SCN9A: variants seen among roughly 807,000 people sequenced by gnomAD.
The protein encoded by SCN9A is sodium voltage-gated channel alpha subunit 9.
A neutral mutation model predicts 187.0 loss-of-function variants in SCN9A; 131 were observed. That is an observed-to-expected ratio of 0.70 (90% CI 0.61 to 0.81). The LOEUF (loss-of-function observed/expected upper bound fraction) is 0.81. Ranked by LOEUF, SCN9A falls within the 30% of genes least tolerant of loss-of-function variation. The probability of loss-of-function intolerance (pLI) is 0.00; values close to 1 mark genes in which losing one functional copy is unlikely to be tolerated. For synonymous variants in SCN9A, 809 were observed against 808.6 expected (o/e 1.00, Z -0.01); for missense variants, 2,252 against 2,396.6 (o/e 0.94, Z 1.26).
At position 166,317,661 on chromosome 2, in the gene SCN9A, CA is replaced by C. The variant is rs528567800; in HGVS notation, c.-50-5856del. Reference sequence around the variant, plus strand: ...TATGGATCTATGTCTGTCCAAATATCATATCATGTATTTGTCTATCTAGCAT... The same window carrying C: ...TATGGATCTATGTCTGTCCAAATATCTATCATGTATTTGTCTATCTAGCAT... On this transcript the variant is annotated intron_variant, in intron 1 of 26. Coordinates refer to ENST00000642356, the MANE Select transcript of SCN9A (RefSeq NM_001365536.1). Among the ~76,000 whole-genome samples the C allele has an allele frequency of 4.3e-4, 66 of 152,234 alleles. 1 individual carries two copies. Among genetic ancestry groups the C allele is most frequent in the South Asian group, 2.7e-3 (13 of 4,816 alleles).
chr2:166,226,800 T>C lies in SCN9A; in HGVS notation c.4261-96A>G, dbSNP rs1045647022. 7.6e-6 allele frequency: 6 copies of C among 790,556 alleles called. No homozygotes were observed. In the African/African-American group the frequency reaches 1.1e-4, roughly 14 times the overall value. 49.0% of individuals were successfully genotyped at this position (790,556 alleles called of 1,614,324 possible). A position where few individuals can be genotyped will look rare whatever the true frequency, so the allele number is the denominator to read the frequency against. On this transcript the variant is annotated intron_variant, in intron 23 of 26. Coordinates refer to ENST00000642356, the MANE Select transcript of SCN9A (RefSeq NM_001365536.1). ...CCAGGTAATTCAAACAGTGCTATCCTAGGTAAACATAGGATTTAAGAAGCC... is the reference window on the plus strand; with the variant it reads ...CCAGGTAATTCAAACAGTGCTATCCCAGGTAAACATAGGATTTAAGAAGCC...
At chr2:166,235,144 G>C (rs12614583) in intron 20 of SCN9A, among the ~76,000 whole-genome samples, 20,375 of 151,914 alleles carry the variant, frequency 0.13, 1,727 homozygotes, top group East Asian at 0.34. Context: ...CCAGTCTCAG[G>C]TATTCAGTTA....
At chr2:166,222,293 A>G (rs1694621156) in intron 24 of SCN9A, among the ~76,000 whole-genome samples, 2 of 152,242 alleles carry the variant, frequency 1.3e-5, no homozygotes, top group Admixed American at 1.3e-4. Context: ...CATGTATATT[A>G]AAAGATGCTC....
At chr2:166,238,812 AG>A (rs148780404) in intron 19 of SCN9A, among the ~76,000 whole-genome samples, 4,203 of 152,258 alleles carry the variant, frequency 0.028, 450 homozygotes, top group Admixed American at 0.2. Flanking sequence ...TAGAACACAG[AG>A]GGTGCTTTTT....
At chr2:166,215,222 G>A (rs941169079) in intron 24 of SCN9A, among the ~76,000 whole-genome samples, 2 of 151,894 alleles carry the variant, frequency 1.3e-5, no homozygotes, top group African/African-American at 2.4e-5. Flanking sequence ...GAAATTATAC[G>A]GAAAAACAGA....
rs150707576 is a variant in SCN9A, at chr2:166,240,627, T to C, written c.3627+1875A>G. On this transcript the variant is annotated intron_variant, in intron 19 of 26. Coordinates refer to ENST00000642356, the MANE Select transcript of SCN9A (RefSeq NM_001365536.1). ...ATACATTGCATGGTAGACACTATCA[T>C]GATTTCTACTTGGATGACTCCAGGT... 8.5e-5 allele frequency among the ~76,000 whole-genome samples: 13 copies of C among 152,328 alleles called. No homozygotes were observed. The East Asian group carries it at 2.1e-3, about 25-fold the overall frequency.
At chr2:166,230,288 A>G (rs1206039255) in intron 21 of SCN9A, among the ~76,000 whole-genome samples, 1 of 152,182 alleles carries the variant, frequency 6.6e-6, no homozygotes, top group Non-Finnish European at 1.5e-5. Context: ...GAAATTATAT[A>G]ACAAACATTA....
chr2:166,306,876 G>C, intron 3 of SCN9A, 80 bp downstream of exon 3: 1 of 765,646 alleles, frequency 1.3e-6, no homozygotes, highest in South Asian at 1.8e-5. Context: ...GGTGCAAAAG[G>C]TATAACATCT....
At chr2:166,230,052 G>A (rs1384974860) in intron 21 of SCN9A, among the ~76,000 whole-genome samples, 1 of 152,142 alleles carries the variant, frequency 6.6e-6, no homozygotes, top group Non-Finnish European at 1.5e-5. Context: ...AGATCATCTA[G>A]GGAGAAGGTT....
chr2:166,371,071 T>C (rs1158389982), intron 1 of SCN9A, among the ~76,000 whole-genome samples: 1 of 152,192 alleles, frequency 6.6e-6, no homozygotes, highest in African/African-American at 2.4e-5. Flanking sequence ...GCAAGGAAAT[T>C]ACAGTTAAAG....
chr2:166,337,531 G>A (rs1699658942), intron 1 of SCN9A, among the ~76,000 whole-genome samples: 1 of 152,038 alleles, frequency 6.6e-6, no homozygotes, highest in Non-Finnish European at 1.5e-5. Flanking sequence ...AGAAAGACGT[G>A]TACATAAATG....
At chr2:166,270,782 T>G (rs1040161555) in intron 17 of SCN9A, among the ~76,000 whole-genome samples, 1 of 149,538 alleles carries the variant, frequency 6.7e-6, no homozygotes, top group East Asian at 2.0e-4. Flanking sequence ...TATATATATA[T>G]CAGTCATGAT....
rs1559050808 is a variant in SCN9A at position 166,340,540 on chromosome 2, C to CTTT, written c.-50-28735_-50-28734insAAA. ...CTTCCCTCTCTCCTTTCTTTTCTTTCCCTTTCTTTCTTTCTTTCTTTCTTT... is the reference window on the plus strand; with the variant it reads ...CTTCCCTCTCTCCTTTCTTTTCTTTCTTTCCTTTCTTTCTTTCTTTCTTTCTTT... On this transcript the variant is annotated intron_variant, in intron 1 of 26. Coordinates refer to ENST00000642356, the MANE Select transcript of SCN9A (RefSeq NM_001365536.1). 2.7e-4 allele frequency among the ~76,000 whole-genome samples: 30 copies of CTTT among 111,342 alleles called. 1 individual carries two copies. Among genetic ancestry groups the CTTT allele is most frequent in the African/African-American group, 9.0e-4 (25 of 27,806 alleles). 73.0% of individuals were successfully genotyped at this position (111,342 alleles called of 152,430 possible). A position where few individuals can be genotyped will look rare whatever the true frequency, so the allele number is the denominator to read the frequency against.
At chr2:166,242,377 T>A in intron 19 of SCN9A, 125 bp downstream of exon 19, 1 of 773,688 alleles carries the variant, frequency 1.3e-6, no homozygotes, top group Non-Finnish European at 1.9e-6. Context: ...TAAAATTTTG[T>A]CATTGGCACT....
At chr2:166,277,575 C>A in intron 15 of SCN9A, 1 of 437,688 alleles carries the variant, frequency 2.3e-6, no homozygotes, top group Non-Finnish European at 4.0e-6. Context: ...ACTTTTAGTT[C>A]AGGATTGCTA....
chr2:166,207,751 G>A (rs960382782), intron 24 of SCN9A, among the ~76,000 whole-genome samples: 1 of 152,052 alleles, frequency 6.6e-6, no homozygotes, highest in Non-Finnish European at 1.5e-5. Context: ...ACCTTAGAGT[G>A]TTTTAATTCA....
At chr2:166,204,486 A>G (rs1237725805) in intron 24 of SCN9A, 22 bp from the exon 25 acceptor site, 3 of 1,470,444 alleles carry the variant, frequency 2.0e-6, no homozygotes, top group East Asian at 4.6e-5. Flanking sequence ...AACAAAAAAT[A>G]AATGTAGTTA....
At chr2:166,202,125 G>T (rs1456757299) in intron 26 of SCN9A, among the ~76,000 whole-genome samples, 1 of 149,544 alleles carries the variant, frequency 6.7e-6, no homozygotes, top group African/African-American at 2.4e-5. Context: ...CCTATTTTTT[G>T]TCTTTCAACC....
At chr2:166,310,177 G>C (rs2106532502) in intron 2 of SCN9A, among the ~76,000 whole-genome samples, 1 of 102,608 alleles carries the variant, frequency 9.7e-6, no homozygotes, top group East Asian at 2.3e-4. Context: ...TTACCATTCA[G>C]GACATAGGCA....
Sources: gnomAD v4.1 joint callset for allele counts (sites outside exome capture counted in the v4.1 genomes callset) on GRCh38, gnomAD v4.1.1 for gene constraint, MANE v1.5 for transcripts, NCBI Gene and HGNC (gene_info 2026-07-23, HGNC 2026-07-21) for gene names.